Variants in ASCC3 observed in about 807,000 individuals in gnomAD.
The protein encoded by ASCC3 is activating signal cointegrator 1 complex subunit 3.
In ASCC3, 158 loss-of-function variants were observed where a neutral mutation model predicts 256.3. That is an observed-to-expected ratio of 0.62 (90% CI 0.54 to 0.70). The LOEUF (loss-of-function observed/expected upper bound fraction) is 0.70. Among genes scored for constraint, ASCC3 ranks in the 30% least tolerant of loss-of-function variants. The probability of loss-of-function intolerance (pLI) is 0.00; values close to 1 mark genes in which losing one functional copy is unlikely to be tolerated. For missense variants in ASCC3, 2,259 were observed against 2,626.0 expected (o/e 0.86, Z 3.05); for synonymous variants, 948 against 883.4 (o/e 1.07, Z -1.30).
At chr6:100,789,659 A>G (rs373216904) in intron 8 of ASCC3, among the ~76,000 whole-genome samples, 5 of 152,000 alleles carry the variant, frequency 3.3e-5, no homozygotes, top group South Asian at 2.1e-4. Flanking sequence ...TTAAAAACGT[A>G]TAAGTTTAGA....
intron 36 of ASCC3, among the ~76,000 whole-genome samples, chr6:100,552,317 T>A (rs1351834922): frequency 6.6e-6 from 1 of 151,922 alleles, no homozygotes; most frequent in Non-Finnish European, 1.5e-5. Context: ...TAACCTACTT[T>A]AAAAAATATG....
chr6:100,538,696 A>T (rs1775289662), intron 37 of ASCC3, among the ~76,000 whole-genome samples: 1 of 152,126 alleles, frequency 6.6e-6, no homozygotes, highest in South Asian at 2.1e-4. Context: ...CATAAATGGA[A>T]TTGTAATATT....
chr6:100,680,386 G>A (rs978408529), intron 13 of ASCC3, among the ~76,000 whole-genome samples: 2 of 152,230 alleles, frequency 1.3e-5, no homozygotes, highest in South Asian at 2.1e-4. Flanking sequence ...CACCAGGCAC[G>A]TGTGAATACA....
chr6:100,535,758 C>T (rs75244277), intron 37 of ASCC3, among the ~76,000 whole-genome samples: 4,752 of 152,136 alleles, frequency 0.031, 245 homozygotes, highest in African/African-American at 0.11. Context: ...TGAGCCATGG[C>T]GCCCAGCAGA....
chr6:100,742,440 T>G (rs763464141), intron 10 of ASCC3, among the ~76,000 whole-genome samples: 2 of 152,156 alleles, frequency 1.3e-5, no homozygotes, highest in Non-Finnish European at 2.9e-5. Flanking sequence ...TTTGGGCTGT[T>G]TGGACTCTCC....
chr6:100,859,181 T>C (rs1024629998), intron 3 of ASCC3: 3 of 780,060 alleles, frequency 3.8e-6, no homozygotes, highest in Admixed American at 1.7e-5. Context: ...CAGCCTCCTC[T>C]TCTGGAATGG....
chr6:100,752,668 G>C (rs1453515646), intron 10 of ASCC3, among the ~76,000 whole-genome samples: 1 of 151,926 alleles, frequency 6.6e-6, no homozygotes, highest in Non-Finnish European at 1.5e-5. Flanking sequence ...ACATTAAATG[G>C]GCTAAATTCT....
At chr6:100,650,950 C>T (rs1775639119) in intron 19 of ASCC3, among the ~76,000 whole-genome samples, 1 of 151,684 alleles carries the variant, frequency 6.6e-6, no homozygotes, top group Non-Finnish European at 1.5e-5. Flanking sequence ...ATTAAATTTG[C>T]CATTGACATA....
intron 10 of ASCC3, 133 bp from the exon 11 acceptor site, chr6:100,725,836 T>G (rs1481924435): frequency 4.7e-6 from 4 of 846,626 alleles, no homozygotes; most frequent in Non-Finnish European, 7.6e-6. Flanking sequence ...AGCCTAGAAT[T>G]ACATCTAATT....
intron 24 of ASCC3, 46 bp downstream of exon 24, chr6:100,642,535 C>G (rs140556828): frequency 2.5e-6 from 4 of 1,599,314 alleles, no homozygotes; most frequent in Non-Finnish European, 3.4e-6. Context: ...ATTAAAACAA[C>G]CATTTTGGAA....
At chr6:100,761,255 C>T (rs930800156) in intron 10 of ASCC3, among the ~76,000 whole-genome samples, 3 of 152,094 alleles carry the variant, frequency 2.0e-5, no homozygotes, top group East Asian at 3.9e-4. Flanking sequence ...CTTTAGGAGG[C>T]CGAGGCAAGA....
chr6:100,861,986 T>G (rs746224869), intron 3 of ASCC3, among the ~76,000 whole-genome samples: 7 of 152,118 alleles, frequency 4.6e-5, no homozygotes, highest in Non-Finnish European at 8.8e-5. Flanking sequence ...ACATTTTTGC[T>G]CAGTATTTAG....
At chr6:100,529,732 A>G (rs537710038) in intron 37 of ASCC3, among the ~76,000 whole-genome samples, 2 of 152,334 alleles carry the variant, frequency 1.3e-5, no homozygotes, top group Admixed American at 6.5e-5. Flanking sequence ...AACACAGTCA[A>G]ATACATTTTT....
chr6:100,737,898 A>T lies in ASCC3; in HGVS notation c.1738-12195T>A, dbSNP rs368158428. On this transcript the variant is annotated intron_variant, in intron 10 of 41. Transcript: ENST00000369162. ...TCTCACCAGCATCTGTTGTTTACTG[A>T]CTTTTTAGTAACAGCCATTCTGACA... 2.0e-5 allele frequency among the ~76,000 whole-genome samples: 3 copies of T among 152,158 alleles called. No individual in the cohort carries two copies. In the East Asian group the frequency reaches 5.8e-4, roughly 29 times the overall value.
At chr6:100,775,730 T>C (rs1264758814) in intron 8 of ASCC3, among the ~76,000 whole-genome samples, 1 of 152,074 alleles carries the variant, frequency 6.6e-6, no homozygotes, top group Non-Finnish European at 1.5e-5. Flanking sequence ...TACCACTCCC[T>C]ATAAAGTTTC....
At chr6:100,683,952 A>G (rs1233104988) in intron 13 of ASCC3, among the ~76,000 whole-genome samples, 2 of 152,144 alleles carry the variant, frequency 1.3e-5, no homozygotes, top group African/African-American at 4.8e-5. Context: ...AATCATTCCC[A>G]TACTTGGGAA....
rs765916968 is a variant in ASCC3, at chr6:100,642,747, G to A, written c.3735C>T (p.Val1245=). Residue 1245 remains valine (V), a splice_region_variant and synonymous_variant, in exon 24 of 42, where the codon GTC becomes GTT. Transcript: ENST00000369162. ...CCAGTAGTTGGGCTTCTTTACTAATGACCTAATATGAAATACAGTCAAAAA... is the reference window on the plus strand; with the variant it reads ...CCAGTAGTTGGGCTTCTTTACTAATAACCTAATATGAAATACAGTCAAAAA... ...SEYFLALKKQ[V]ISKEAQLLVF... is the part of the protein sequence containing the mutation. 2 of 1,611,492 alleles carry A rather than the reference G, an allele frequency of 1.2e-6. No homozygotes were observed. Among genetic ancestry groups the A allele is most frequent in the Admixed American group, 3.3e-5 (2 of 59,996 alleles).
rs200752848 is a variant in ASCC3, at chr6:100,650,697, T to C, written c.3093A>G (p.Ile1031Met). 1.1e-5 allele frequency: 17 copies of C among 1,610,806 alleles called. No homozygotes were observed. In the East Asian group the frequency reaches 3.8e-4, roughly 36 times the overall value. ...FDQIKVREEEIEELDTLLSNF... is the reference protein window; with the variant it reads ...FDQIKVREEEMEELDTLLSNF... The stretch of plus-strand genomic sequence containing the variant: ...TGCTTAATAAGGTATCTAACTCCTC[T>C]ATTTCCTCTTCTCTGACCTAGAAGA... Residue 1031 changes from isoleucine (I) to methionine (M), a missense_variant, in exon 20 of 42, where the codon ATA becomes ATG. Ile to Met is a conservative substitution (Grantham distance 10). This residue lies in a region of ASCC3 where 1,839 missense variants were observed against 2,206.7 expected (regional missense o/e 0.83). Coordinates refer to ENST00000369162, the MANE Select transcript of ASCC3 (RefSeq NM_006828.4).
At position 100,799,438 on chromosome 6, in the gene ASCC3, C is replaced by T. The variant is rs1769802025; in HGVS notation, c.1262G>A (p.Gly421Asp). 1 of 1,612,152 alleles carries T rather than the reference C, an allele frequency of 6.2e-7. No homozygotes were observed. The highest frequency in any genetic ancestry group is 1.3e-5 in the African/African-American group (1 of 74,824). The change falls in exon 7 of 42, where the codon GGT becomes GAT. Residue 421 changes from glycine to aspartate, a missense_variant. Physicochemically the swap from Gly to Asp is moderately conservative, Grantham distance 94 (BLOSUM62 -1). Around this residue, in one of 2 missense-constraint regions of ASCC3, gnomAD observed 1,839 missense variants for 2,206.7 expected, o/e 0.83. Transcript: ENST00000369162. ...EAMKTSAFIA[G>D]AKMILPEGIQ... Reference sequence around the variant, plus strand: ...TATATAACAATGACATACCTTTGCACCAGCAATAAATGCTGATGTTTTCAT... The same window carrying T: ...TATATAACAATGACATACCTTTGCATCAGCAATAAATGCTGATGTTTTCAT...
Sources: gnomAD v4.1 joint callset for allele counts (sites outside exome capture counted in the v4.1 genomes callset) on GRCh38, gnomAD v4.1.1 for gene constraint, gnomAD v4.1.1 regional missense constraint, MANE v1.5 for transcripts, NCBI Gene and HGNC (gene_info 2026-07-23, HGNC 2026-07-21) for gene names.